Variants in CERCAM observed in about 807,000 individuals in gnomAD.
CERCAM encodes cerebral endothelial cell adhesion molecule, also known as inactive glycosyltransferase 25 family member 3.
In CERCAM, 59 loss-of-function variants were observed where a neutral mutation model predicts 66.0. The ratio of observed to expected loss-of-function variants is 0.89; its 90% CI spans 0.73 to 1.11. The LOEUF is 1.11. Ranked by LOEUF, CERCAM falls within the 50% of genes most tolerant of loss-of-function variation. The pLI is 0.00. For synonymous variants in CERCAM, 318 were observed against 343.6 expected (o/e 0.93, Z 0.83); for missense variants, 840 against 828.3 (o/e 1.01, Z -0.17).
chr9:128,422,847 C>T (rs749438367), intron 1 of CERCAM, 21 bp from the exon 2 acceptor site: 1 of 1,613,070 alleles, frequency 6.2e-7, no homozygotes, highest in Admixed American at 1.7e-5. Context: ...CCCCCTCAGC[C>T]TTTTTTCTTC....
At chr9:128,428,152 C>T (rs774596795) in intron 5 of CERCAM, 150 bp from the exon 6 acceptor site, 2 of 865,252 alleles carry the variant, frequency 2.3e-6, no homozygotes, top group Non-Finnish European at 1.7e-6. Flanking sequence ...TGAGCCAAGC[C>T]CTTTCTCCCT....
At chr9:128,419,816 T>G (rs1833666769), upstream of CERCAM, 2 of 147,656 alleles carry the variant, frequency 1.4e-5, no homozygotes, top group African/African-American at 2.5e-5. Flanking sequence ...AGCAGCTCCG[T>G]GGTGTCCCCT....
intron 6 of CERCAM, 92 bp from the exon 7 acceptor site, chr9:128,428,665 G>C (rs546743108): frequency 2.0e-5 from 28 of 1,411,240 alleles, no homozygotes; most frequent in African/African-American, 1.6e-4. Context: ...TCTGCCAAAG[G>C]GGGCAGGAAT....
At chr9:128,431,001 G>C (rs1453261345) in intron 8 of CERCAM, 170 bp from the exon 9 acceptor site, 1 of 765,310 alleles carries the variant, frequency 1.3e-6, no homozygotes, top group African/African-American at 1.8e-5. Flanking sequence ...AGGGGCTCCA[G>C]TTCCCCAGGT....
intron 9 of CERCAM, among the ~76,000 whole-genome samples, chr9:128,432,618 T>G (rs185448018): frequency 1.3e-5 from 2 of 151,060 alleles, no homozygotes; most frequent in Admixed American, 1.3e-4. Context: ...ACTCCTGAGC[T>G]CAAGTGATTC....
rs201362893 is a variant in CERCAM at position 128,428,853 on chromosome 9, G to A, written c.963+20G>A. ...GACGAGGTAAGTCCCCCAGCCTGTG[G>A]GCTCGCTGTTAGGAGGTGGATGGGC... On this transcript the variant is annotated intron_variant, in intron 7 of 12. Coordinates refer to ENST00000372838, the MANE Select transcript of CERCAM (RefSeq NM_016174.5). 2.6e-5 allele frequency: 42 copies of A among 1,613,560 alleles called. No homozygotes were observed. The African/African-American group carries it at 2.8e-4, about 11-fold the overall frequency.
chr9:128,421,934 A>C (rs975660292), intron 1 of CERCAM: 3 of 152,252 alleles, frequency 2.0e-5, no homozygotes, highest in African/African-American at 7.2e-5. Flanking sequence ...GAATTGGCTT[A>C]AAGGGGCAGC....
Position 128,434,296 on chromosome 9 carries a change from T to C in CERCAM, c.1331+67T>C. 9 of 1,606,036 alleles carry C rather than the reference T, an allele frequency of 5.6e-6. No individual in the cohort carries two copies. In the South Asian group the frequency reaches 1.0e-4, roughly 18 times the overall value. Reference sequence around the variant, plus strand: ...CCTCCGGAGTCTGCCTTTTCCTGCTTGGGACCCTGGCCGGCCCATCCCCTG... The same window carrying C: ...CCTCCGGAGTCTGCCTTTTCCTGCTCGGGACCCTGGCCGGCCCATCCCCTG... On this transcript the variant is annotated intron_variant, in intron 10 of 12. Transcript: ENST00000372838. This position sits in a 1 kb window ranked among gnomAD's most constrained non-coding sequence, Gnocchi z 4.5.
Position 128,420,952 on chromosome 9 carries a change from T to G in CERCAM, c.75T>G (p.Val25=). ...LLGPWLEAAG[V]AESPLPAVVL... is the part of the protein sequence containing the mutation. ...GGCCGTGGCTGGAGGCTGCGGGCGT[T>G]GCGGAGTCGCCGCTGCCCGCCGTGG... Residue 25 remains valine, a synonymous_variant, in exon 1 of 13, where the codon GTT becomes GTG. Coordinates refer to ENST00000372838, the MANE Select transcript of CERCAM (RefSeq NM_016174.5). This position sits in a 1 kb window ranked among gnomAD's most constrained non-coding sequence, Gnocchi z 5.0. 2 of 1,462,470 alleles carry G rather than the reference T, an allele frequency of 1.4e-6. No individual in the cohort carries two copies. The highest frequency in any genetic ancestry group is 1.8e-6 in the Non-Finnish European group (2 of 1,109,678). 90.6% of individuals were successfully genotyped at this position (1,462,470 alleles called of 1,614,324 possible).
At chr9:128,436,058 G>T (rs1178672913) in intron 12 of CERCAM, among the ~76,000 whole-genome samples, 153 bp downstream of exon 12, 3 of 151,912 alleles carry the variant, frequency 2.0e-5, no homozygotes, top group African/African-American at 4.8e-5. Context: ...TGTTGTTGTT[G>T]TTTGTTTGTT....
Position 128,428,964 on chromosome 9 carries a change from G to C in CERCAM, c.998G>C (p.Arg333Pro). The C allele has an allele frequency of 6.2e-7, 1 of 1,611,218 alleles. No individual in the cohort carries two copies. The highest frequency in any genetic ancestry group is 8.5e-7 in the Non-Finnish European group (1 of 1,179,116). The part of the protein sequence containing the change: ...FVISLARRPD[R>P]RERMLASLWE... Reference sequence around the variant, plus strand: ...ATCAGCCTGGCTCGCAGGCCTGACCGTCGGGAACGCATGCTCGCCTCGCTC... The same window carrying C: ...ATCAGCCTGGCTCGCAGGCCTGACCCTCGGGAACGCATGCTCGCCTCGCTC... Residue 333 changes from arginine to proline, a missense_variant, in exon 8 of 13, where the codon CGT becomes CCT. Arg to Pro is a moderately radical substitution (Grantham distance 103). Transcript: ENST00000372838.
Position 128,435,978 on chromosome 9 carries a change from G to A in CERCAM, c.*73G>A. 5 of 1,444,306 alleles carry A rather than the reference G, an allele frequency of 3.5e-6. No individual in the cohort carries two copies. In the South Asian group the frequency reaches 4.2e-5, roughly 12 times the overall value. The allele number at this position is 1,444,306 out of a possible 1,614,324, so 89.5% of individuals were successfully genotyped here. A position where few individuals can be genotyped will look rare whatever the true frequency, so the allele number is the denominator to read the frequency against. ...CTCTCCCCTTTGATGGCATAACTGT[G>A]TCTGGGGCTGTTTTCCCCTTCTCAG... On this transcript the variant is annotated intron_variant, in intron 12 of 12. Coordinates refer to ENST00000372838, the MANE Select transcript of CERCAM (RefSeq NM_016174.5).
Position 128,434,352 on chromosome 9 carries a change from A to T in CERCAM, c.1332-58A>T, listed in dbSNP as rs1834055297. The T allele has an allele frequency of 6.2e-7, 1 of 1,603,920 alleles. No individual in the cohort carries two copies. Among genetic ancestry groups the T allele is most frequent in the South Asian group, 1.1e-5 (1 of 90,672 alleles). On this transcript the variant is annotated intron_variant, in intron 10 of 12. Coordinates refer to ENST00000372838, the MANE Select transcript of CERCAM (RefSeq NM_016174.5). The surrounding 1 kb of genome is among the most constrained non-coding windows in gnomAD (Gnocchi z 4.5). Reference sequence around the variant, plus strand: ...CTGGCCCTGTAGGAGCGGGTGTGGGAGGGTCCCATGACACCCAGGACCTAA... The same window carrying T: ...CTGGCCCTGTAGGAGCGGGTGTGGGTGGGTCCCATGACACCCAGGACCTAA...
intron 5 of CERCAM, among the ~76,000 whole-genome samples, chr9:128,425,257 G>T (rs1019928930): frequency 6.7e-6 from 1 of 150,028 alleles, no homozygotes; most frequent in African/African-American, 2.5e-5. Flanking sequence ...GGGTTTCACC[G>T]TGTTAACCAG....
At position 128,434,686 on chromosome 9, in the gene CERCAM, A is replaced by G. The variant is rs2131344534; in HGVS notation, c.1535+73A>G. The G allele has an allele frequency of 1.4e-6, 2 of 1,447,676 alleles. No homozygotes were observed. Among genetic ancestry groups the G allele is most frequent in the Non-Finnish European group, 9.4e-7 (1 of 1,065,438 alleles). 89.7% of individuals were successfully genotyped at this position (1,447,676 alleles called of 1,614,324 possible). A position where few individuals can be genotyped will look rare whatever the true frequency, so the allele number is the denominator to read the frequency against. On this transcript the variant is annotated intron_variant, in intron 11 of 12. Transcript: ENST00000372838. This position sits in a 1 kb window ranked among gnomAD's most constrained non-coding sequence, Gnocchi z 4.5. The stretch of plus-strand genomic sequence containing the variant: ...CCAGGAACTCACCTCAGTCAGCAGG[A>G]AGTCCCCTCACCTGGCAGATGGGGA...
Position 128,431,229 on chromosome 9 carries a change from G to T in CERCAM, c.1129G>T (p.Asp377Tyr). The change falls in exon 9 of 13, where the codon GAC becomes TAC. Residue 377 changes from aspartate (D) to tyrosine (Y), a missense_variant. Physicochemically the swap from Asp to Tyr is radical, Grantham distance 160 (BLOSUM62 -3). Coordinates refer to ENST00000372838, the MANE Select transcript of CERCAM (RefSeq NM_016174.5). ...LGVDLLPGYQ[D>Y]PYSGRTLTKG... is the part of the protein sequence containing the mutation. The stretch of plus-strand genomic sequence containing the variant: ...CGTAGACCTGCTCCCGGGCTACCAG[G>T]ACCCTTACTCGGGCCGCACTCTGAC... 1 of 1,614,046 alleles carries T rather than the reference G, an allele frequency of 6.2e-7. No homozygotes were observed.
rs369326216 is a variant in CERCAM at position 128,431,138 on chromosome 9, C to T, written c.1071-33C>T. On this transcript the variant is annotated intron_variant, in intron 8 of 12. Transcript: ENST00000372838. ...CCCCTCTGGAGGGGTCTCTGGCAGGCACCCCTCACCCCGCCACACCTGTGT... is the reference window on the plus strand; with the variant it reads ...CCCCTCTGGAGGGGTCTCTGGCAGGTACCCCTCACCCCGCCACACCTGTGT... 6.8e-6 allele frequency: 11 copies of T among 1,607,162 alleles called. No individual in the cohort carries two copies. In the East Asian group the frequency reaches 2.2e-4, roughly 33 times the overall value.
At chr9:128,429,139 C>T in intron 8 of CERCAM, 103 bp downstream of exon 8, 2 of 812,054 alleles carry the variant, frequency 2.5e-6, no homozygotes, top group East Asian at 2.7e-5. Context: ...GAATGAGTTT[C>T]CTGTCCCATG....
chr9:128,432,614 G>A (rs1420025533), intron 9 of CERCAM, among the ~76,000 whole-genome samples: 1 of 150,530 alleles, frequency 6.6e-6, no homozygotes, highest in Non-Finnish European at 1.5e-5. Context: ...TCAAACTCCT[G>A]AGCTCAAGTG....
Sources: allele counts gnomAD v4.1 joint callset (sites outside exome capture counted in the v4.1 genomes callset), GRCh38; gene constraint gnomAD v4.1.1; non-coding constraint Gnocchi (gnomAD v3.1); transcripts MANE v1.5; gene names NCBI Gene and HGNC (gene_info 2026-07-23, HGNC 2026-07-21).